SPAG16: variants seen among roughly 807,000 people sequenced by gnomAD.
SPAG16 encodes sperm-associated antigen 16 protein.
In SPAG16, 86 loss-of-function variants were observed where a neutral mutation model predicts 80.4. The ratio of observed to expected loss-of-function variants is 1.07; its 90% CI spans 0.90 to 1.28. The LOEUF is 1.28. Ranked by LOEUF, SPAG16 falls within the 50% of genes most tolerant of loss-of-function variation. The pLI, the probability that SPAG16 is intolerant of heterozygous loss-of-function variation, is 0.00. For missense variants in SPAG16, 870 were observed against 765.3 expected (o/e 1.14, Z -1.61); for synonymous variants, 294 against 265.9 (o/e 1.11, Z -1.03).
At chr2:213,973,631 G>GC (rs201094716) in intron 12 of SPAG16, among the ~76,000 whole-genome samples, 21 of 146,504 alleles carry the variant, frequency 1.4e-4, no homozygotes, top group African/African-American at 4.3e-4. Flanking sequence ...TTTTTAAATT[G>GC]CCCCCTTTTT....
intron 12 of SPAG16, among the ~76,000 whole-genome samples, chr2:213,932,175 TATATATATATATATATATATA>T (rs2078782706): frequency 3.8e-5 from 1 of 26,158 alleles, no homozygotes; most frequent in African/African-American, 6.5e-5. Flanking sequence ...TATATATATA[TATATATATATATATATATATA>T]TATTTGTTGT....
At chr2:214,109,874 AGT>A (rs1396900121) in intron 14 of SPAG16, among the ~76,000 whole-genome samples, 1 of 152,204 alleles carries the variant, frequency 6.6e-6, no homozygotes, top group Non-Finnish European at 1.5e-5. Context: ...AAGTCCATTA[AGT>A]GGCGTATAGC....
chr2:213,917,394 T>G (rs893448787), intron 11 of SPAG16, among the ~76,000 whole-genome samples: 5 of 152,240 alleles, frequency 3.3e-5, no homozygotes, highest in African/African-American at 1.2e-4. Flanking sequence ...TATTGATTCT[T>G]CCTATCCATG....
intron 10 of SPAG16, among the ~76,000 whole-genome samples, chr2:213,629,078 C>T (rs2062054974): frequency 6.6e-6 from 1 of 152,096 alleles, no homozygotes; most frequent in Admixed American, 6.6e-5. Flanking sequence ...GAGGAAGAAA[C>T]TCATAAGCAA....
At chr2:213,986,652 G>A (rs1476371590) in intron 12 of SPAG16, among the ~76,000 whole-genome samples, 5 of 151,798 alleles carry the variant, frequency 3.3e-5, no homozygotes, top group African/African-American at 1.2e-4. Flanking sequence ...AACATATGCT[G>A]TCTGGTAGAA....
intron 10 of SPAG16, among the ~76,000 whole-genome samples, chr2:213,663,505 A>G (rs1203619039): frequency 6.6e-6 from 1 of 152,100 alleles, no homozygotes; most frequent in Non-Finnish European, 1.5e-5. Context: ...TTTTAAAACA[A>G]GTGAAATGGT....
chr2:213,449,364 T>G (rs2071547982), intron 9 of SPAG16, among the ~76,000 whole-genome samples: 1 of 152,200 alleles, frequency 6.6e-6, no homozygotes, highest in African/African-American at 2.4e-5. Flanking sequence ...CATGTGATCT[T>G]TGTTAGACCC....
intron 11 of SPAG16, among the ~76,000 whole-genome samples, chr2:213,911,686 A>T (rs1201035409): frequency 1.3e-5 from 2 of 152,178 alleles, no homozygotes; most frequent in African/African-American, 4.8e-5. Context: ...AAAAGGTATG[A>T]TATAAAGCAC....
At chr2:213,518,117 C>T (rs1288003700) in intron 10 of SPAG16, among the ~76,000 whole-genome samples, 1 of 152,108 alleles carries the variant, frequency 6.6e-6, no homozygotes, top group Admixed American at 6.5e-5. Context: ...ACAAATAACC[C>T]CACTGATAAA....
At chr2:213,602,064 A>C (rs546940521) in intron 10 of SPAG16, among the ~76,000 whole-genome samples, 3 of 152,332 alleles carry the variant, frequency 2.0e-5, no homozygotes, top group African/African-American at 7.2e-5. Context: ...ATCTGACAGG[A>C]AGCGGAGCTC....
At chr2:214,178,288 G>A (rs2057195074) in intron 15 of SPAG16, among the ~76,000 whole-genome samples, 1 of 150,778 alleles carries the variant, frequency 6.6e-6, no homozygotes, top group Non-Finnish European at 1.5e-5. Context: ...ACCAATCTAG[G>A]AAATTGGAAT....
intron 10 of SPAG16, among the ~76,000 whole-genome samples, chr2:213,791,302 AC>A (rs1366822500): frequency 1.3e-5 from 2 of 152,100 alleles, no homozygotes; most frequent in African/African-American, 4.8e-5. Context: ...GAAAAAAAAA[AC>A]ATAAATCCTT....
chr2:213,359,940 C>T (rs76059006), intron 7 of SPAG16, among the ~76,000 whole-genome samples: 1 of 152,020 alleles, frequency 6.6e-6, no homozygotes, highest in Non-Finnish European at 1.5e-5. Context: ...GAGCTAATTT[C>T]TTGATATCTA....
At chr2:214,249,429 A>G (rs528658219) in intron 15 of SPAG16, among the ~76,000 whole-genome samples, 31 of 152,098 alleles carry the variant, frequency 2.0e-4, no homozygotes, top group African/African-American at 7.5e-4. Context: ...GGGAAAGGAG[A>G]AGGAGGAAAG....
At chr2:213,377,668 T>C (rs556539482) in intron 9 of SPAG16, among the ~76,000 whole-genome samples, 1 of 152,248 alleles carries the variant, frequency 6.6e-6, no homozygotes, top group East Asian at 1.9e-4. Flanking sequence ...TTTTTCCTCT[T>C]ACTTTTTCCC....
chr2:213,669,623 G>A (rs1317114538), intron 10 of SPAG16, among the ~76,000 whole-genome samples: 1 of 152,080 alleles, frequency 6.6e-6, no homozygotes, highest in Non-Finnish European at 1.5e-5. Context: ...TCCTTTAATG[G>A]TAAAATAGGA....
At chr2:213,775,471 T>A (rs1161811530) in intron 10 of SPAG16, among the ~76,000 whole-genome samples, 1 of 152,222 alleles carries the variant, frequency 6.6e-6, no homozygotes, top group Non-Finnish European at 1.5e-5. Flanking sequence ...TATTTTGTGA[T>A]AACAACACTT....
intron 15 of SPAG16, among the ~76,000 whole-genome samples, chr2:214,270,458 A>G (rs529784999): frequency 6.6e-6 from 1 of 152,162 alleles, no homozygotes; most frequent in Non-Finnish European, 1.5e-5. Flanking sequence ...CGGGATACCA[A>G]TTTGAGTGGT....
rs1268986503 is a variant in SPAG16, at chr2:214,298,141, TACACACACACACACATATACACAC to T, written c.1721-111987_1721-111964del. 5.9e-3 allele frequency among the ~76,000 whole-genome samples: 783 copies of T among 132,372 alleles called. 11 individuals are homozygous for T. The highest frequency in any genetic ancestry group is 0.023 in the African/African-American group (756 of 32,750). 86.8% of individuals were successfully genotyped at this position (132,372 alleles called of 152,430 possible). A position where few individuals can be genotyped will look rare whatever the true frequency, so the allele number is the denominator to read the frequency against. ...ACACACACACACACACACATACACA[TACACACACACACACATATACACAC>T]ACACACACACATATATATATATTTG... On this transcript the variant is annotated intron_variant, in intron 15 of 15. Transcript: ENST00000331683.
Sources: gnomAD v4.1 joint callset for allele counts (sites outside exome capture counted in the v4.1 genomes callset) on GRCh38, gnomAD v4.1.1 for gene constraint, MANE v1.5 for transcripts, NCBI Gene and HGNC (gene_info 2026-07-23, HGNC 2026-07-21) for gene names.